MTHFS: variants seen among roughly 807,000 people sequenced by gnomAD.
MTHFS encodes the protein 5-formyltetrahydrofolate cyclo-ligase.
Under a neutral mutation model 12.7 loss-of-function variants are expected in MTHFS, and 7 were observed. That is an observed-to-expected ratio of 0.55 (90% CI 0.31 to 1.03). The LOEUF (loss-of-function observed/expected upper bound fraction) is 1.03, where lower values mean the gene tolerates loss of function less well. Ranked by LOEUF, MTHFS falls within the 50% of genes least tolerant of loss-of-function variation. The pLI, the probability that MTHFS is intolerant of heterozygous loss-of-function variation, is 0.05. For synonymous variants in MTHFS, 100 were observed against 97.1 expected (o/e 1.03, Z -0.18); for missense variants, 252 against 258.1 (o/e 0.98, Z 0.16).
chr15:79,867,266 C>A (rs1364712326), intron 2 of MTHFS, among the ~76,000 whole-genome samples: 5 of 151,618 alleles, frequency 3.3e-5, no homozygotes, highest in African/African-American at 4.8e-5. Context: ...AAGAACAATT[C>A]TTGGTTGATT....
chr15:79,869,697 G>C (rs561296527), intron 2 of MTHFS, among the ~76,000 whole-genome samples: 1 of 152,272 alleles, frequency 6.6e-6, no homozygotes, highest in South Asian at 2.1e-4. Flanking sequence ...GCCTCCAAAA[G>C]TGCTGGGATA....
In MTHFS at chr15:79,890,489, A is replaced by G. The variant is rs138662482; in HGVS notation, c.118-1135T>C. ...ACTGATCCACCCACCTGGACCTCCC[A>G]AAGTGCTGGGATTACAGGTGTGAGG... is the stretch of plus-strand genomic sequence containing the variant. On this transcript the variant is annotated intron_variant, in intron 1 of 2. Transcript: ENST00000258874. Among the ~76,000 whole-genome samples, 563 of 152,168 alleles carry G rather than the reference A, an allele frequency of 3.7e-3. 4 individuals are homozygous for G. Among genetic ancestry groups the G allele is most frequent in the African/African-American group, 0.013 (546 of 41,532 alleles).
At chr15:79,865,688 G>T (rs1315338642) in intron 2 of MTHFS, among the ~76,000 whole-genome samples, 1 of 152,130 alleles carries the variant, frequency 6.6e-6, no homozygotes, top group African/African-American at 2.4e-5. Context: ...CAAAATGTGG[G>T]TATGGCCATG....
chr15:79,896,386 C>T (rs2034568128), intron 1 of MTHFS, among the ~76,000 whole-genome samples: 2 of 152,178 alleles, frequency 1.3e-5, no homozygotes, highest in Admixed American at 1.3e-4. Context: ...TCGTCTAAAG[C>T]ACCTGCATCT....
intron 2 of MTHFS, among the ~76,000 whole-genome samples, chr15:79,851,918 C>T (rs959024855): frequency 1.4e-4 from 22 of 152,292 alleles, no homozygotes; most frequent in Non-Finnish European, 2.2e-4. Flanking sequence ...GGGTCTGAAT[C>T]CAGCACTACC....
intron 2 of MTHFS, among the ~76,000 whole-genome samples, chr15:79,884,486 G>C (rs1410015300): frequency 6.6e-6 from 1 of 152,146 alleles, no homozygotes; most frequent in Non-Finnish European, 1.5e-5. Context: ...GGTACTTTGG[G>C]AAAATTAATA....
chr15:79,876,772 C>G (rs1190664800), intron 2 of MTHFS: 1 of 152,062 alleles, frequency 6.6e-6, no homozygotes, highest in African/African-American at 2.4e-5. Context: ...TGGCAGGGCA[C>G]AATGACTCAT....
Position 79,845,169 on chromosome 15 carries a change from C to G in MTHFS, c.*41G>C. ...AAAAATACACATACTTTGCTTTACT[C>G]TCATATAAAACACTGATTATTTGGC... On this transcript the variant is annotated 3_prime_UTR_variant, in exon 3 of 3. Coordinates refer to ENST00000258874, the MANE Select transcript of MTHFS (RefSeq NM_006441.4). 1 of 1,606,498 alleles carries G rather than the reference C, an allele frequency of 6.2e-7. No individual in the cohort carries two copies. Among genetic ancestry groups the G allele is most frequent in the Non-Finnish European group, 8.5e-7 (1 of 1,174,930 alleles).
At chr15:79,889,034 GGATCTGA>G in intron 2 of MTHFS, 52 bp downstream of exon 2, 1 of 1,589,422 alleles carries the variant, frequency 6.3e-7, no homozygotes, top group Non-Finnish European at 8.6e-7. Context: ...CATAACCCGT[GGATCTGA>G]GATCTAACAA....
intron 1 of MTHFS, among the ~76,000 whole-genome samples, chr15:79,892,041 A>G (rs1298544591): frequency 2.0e-5 from 3 of 151,952 alleles, no homozygotes; most frequent in East Asian, 3.9e-4. Context: ...ATGGGTGCTG[A>G]GCAGAACAAG....
Position 79,858,015 on chromosome 15 carries a change from C to CAA in MTHFS, c.380-12575_380-12574dup, listed in dbSNP as rs71453466. Among the ~76,000 whole-genome samples, 1,669 of 59,388 alleles carry CAA rather than the reference C, an allele frequency of 0.028. 113 individuals carry two copies. In the East Asian group the frequency reaches 0.29, roughly 10 times the overall value. The allele number at this position is 59,388 out of a possible 152,430, so 39.0% of individuals were successfully genotyped here. A position where few individuals can be genotyped will look rare whatever the true frequency, so the allele number is the denominator to read the frequency against. ...TGGGTGACAGAGCGAGACTCCATCT[C>CAA]AAAAAAAAAAAAAAAAAAAACATAA... On this transcript the variant is annotated intron_variant, in intron 2 of 2. Coordinates refer to ENST00000258874, the MANE Select transcript of MTHFS (RefSeq NM_006441.4).
intron 2 of MTHFS, among the ~76,000 whole-genome samples, chr15:79,858,707 C>T (rs967572240): frequency 6.6e-6 from 1 of 152,168 alleles, no homozygotes; most frequent in African/African-American, 2.4e-5. Flanking sequence ...ACTATTCAAT[C>T]CATCTCATAA....
At chr15:79,853,718 C>T (rs969688441) in intron 2 of MTHFS, among the ~76,000 whole-genome samples, 3 of 152,132 alleles carry the variant, frequency 2.0e-5, no homozygotes, top group Non-Finnish European at 1.5e-5. Flanking sequence ...ACATGCAGAG[C>T]GGTCCGTAAG....
intron 2 of MTHFS, among the ~76,000 whole-genome samples, chr15:79,888,536 G>A (rs940576680): frequency 6.6e-6 from 1 of 152,234 alleles, no homozygotes; most frequent in Non-Finnish European, 1.5e-5. Flanking sequence ...AAGAGGAGAT[G>A]TCAGCTTAGA....
chr15:79,869,269 T>TGG (rs1293768070), intron 2 of MTHFS, among the ~76,000 whole-genome samples: 1 of 152,214 alleles, frequency 6.6e-6, no homozygotes, highest in African/African-American at 2.4e-5. Flanking sequence ...ACAATAAAGA[T>TGG]GGGGAGAAGG....
chr15:79,867,754 G>C (rs560645429), intron 2 of MTHFS, among the ~76,000 whole-genome samples: 5 of 152,152 alleles, frequency 3.3e-5, no homozygotes, highest in African/African-American at 1.2e-4. Flanking sequence ...GTTTCTATCA[G>C]GAATCTAAAA....
At chr15:79,894,594 C>T (rs1158301675) in intron 1 of MTHFS, among the ~76,000 whole-genome samples, 1 of 152,120 alleles carries the variant, frequency 6.6e-6, no homozygotes, top group Non-Finnish European at 1.5e-5. Context: ...CTATTTCCAT[C>T]TATAGTTTAT....
chr15:79,853,568 T>A (rs2033750741), intron 2 of MTHFS, among the ~76,000 whole-genome samples: 1 of 152,256 alleles, frequency 6.6e-6, no homozygotes, highest in Non-Finnish European at 1.5e-5. Flanking sequence ...ATAATGCCTA[T>A]CCTCCTTCTG....
rs945131156 is a variant in MTHFS at position 79,844,999 on chromosome 15, T to C, written c.*211A>G. ...AGTTAAGCTGAAAATCACAGGCTGA[T>C]AGCCTCCATTTTAATTAATATTCTA... is the stretch of plus-strand genomic sequence containing the variant. On this transcript the variant is annotated 3_prime_UTR_variant, in exon 3 of 3. Transcript: ENST00000258874. The C allele has an allele frequency of 3.0e-6, 2 of 672,540 alleles. No homozygotes were observed. The highest frequency in any genetic ancestry group is 4.8e-6 in the Non-Finnish European group (2 of 419,156). The allele number at this position is 672,540 out of a possible 1,614,324, so 41.7% of individuals were successfully genotyped here.
Sources: allele counts gnomAD v4.1 joint callset (sites outside exome capture counted in the v4.1 genomes callset), GRCh38; gene constraint gnomAD v4.1.1; transcripts MANE v1.5; gene names NCBI Gene and HGNC (gene_info 2026-07-23, HGNC 2026-07-21).